The following GPC6 variants were observed in gnomAD, a reference collection of about 807,000 sequenced individuals.
GPC6 encodes the protein glypican 6, also known as glypican-6.
GPC6 carries 14 observed loss-of-function variants against 55.2 expected under a neutral mutation model. The observed-to-expected ratio is 0.25, with a 90% CI of 0.17 to 0.40. The LOEUF (loss-of-function observed/expected upper bound fraction) is 0.40. Among genes scored for constraint, GPC6 ranks in the 10% least tolerant of loss-of-function variants. The pLI is 1.00. For synonymous variants in GPC6, 278 were observed against 259.6 expected, an observed-to-expected ratio of 1.07 and a Z score of -0.68; for missense variants, 641 against 708.5, an observed-to-expected ratio of 0.90 and a Z score of 1.08.
At chr13:93,566,817 T>C (rs1266998842) in intron 2 of GPC6, among the ~76,000 whole-genome samples, 1 of 152,154 alleles carries the variant, frequency 6.6e-6, no homozygotes, top group African/African-American at 2.4e-5. Flanking sequence ...ATGTACTGTT[T>C]GGTTTTCTGT....
At chr13:93,589,419 T>A (rs539579671) in intron 2 of GPC6, among the ~76,000 whole-genome samples, 1 of 152,332 alleles carries the variant, frequency 6.6e-6, no homozygotes, top group East Asian at 1.9e-4. Flanking sequence ...ACTCTTCCCA[T>A]TAATTTTAAA....
chr13:93,464,622 C>G (rs1280137884), intron 1 of GPC6, among the ~76,000 whole-genome samples: 1 of 152,150 alleles, frequency 6.6e-6, no homozygotes, highest in Non-Finnish European at 1.5e-5. Flanking sequence ...GCTCTTTATA[C>G]CATGTCTCTG....
chr13:93,622,331 A>G (rs1878993039), intron 2 of GPC6, among the ~76,000 whole-genome samples: 1 of 152,172 alleles, frequency 6.6e-6, no homozygotes, highest in Non-Finnish European at 1.5e-5. Context: ...AGATAAGGGA[A>G]CTCAAGCTTT....
intron 1 of GPC6, among the ~76,000 whole-genome samples, chr13:93,544,352 A>C (rs1874641653): frequency 6.6e-6 from 1 of 152,150 alleles, no homozygotes; most frequent in African/African-American, 2.4e-5. Flanking sequence ...TCACAGAGTC[A>C]AGCACTTTGT....
chr13:93,635,687 A>G (rs996547866), intron 2 of GPC6, among the ~76,000 whole-genome samples: 20 of 152,184 alleles, frequency 1.3e-4, no homozygotes, highest in Non-Finnish European at 2.6e-4. Context: ...TCTGCCCAGC[A>G]TATATTTTCC....
At chr13:94,100,870 C>G (rs896327377) in intron 4 of GPC6, among the ~76,000 whole-genome samples, 7 of 152,158 alleles carry the variant, frequency 4.6e-5, no homozygotes, top group African/African-American at 1.7e-4. Flanking sequence ...AGTATTTCTA[C>G]AAGACCATTT....
intron 6 of GPC6, among the ~76,000 whole-genome samples, chr13:94,355,049 G>A (rs1260844917): frequency 6.7e-6 from 1 of 149,156 alleles, no homozygotes; most frequent in African/African-American, 2.5e-5. Flanking sequence ...TTGAGACAGA[G>A]TCTCACTCTT....
intron 2 of GPC6, among the ~76,000 whole-genome samples, chr13:93,654,372 G>T (rs537359949): frequency 8.5e-5 from 13 of 152,184 alleles, no homozygotes; most frequent in African/African-American, 2.9e-4. Flanking sequence ...CTGTTGCCCA[G>T]GCTGGAGTGC....
At chr13:93,983,191 C>A (rs565627971) in intron 3 of GPC6, among the ~76,000 whole-genome samples, 1 of 152,222 alleles carries the variant, frequency 6.6e-6, no homozygotes, top group African/African-American at 2.4e-5. Context: ...TGTGCAAGAC[C>A]TGAACCTTGA....
intron 1 of GPC6, among the ~76,000 whole-genome samples, chr13:93,450,136 A>C (rs1287171913): frequency 6.6e-6 from 1 of 152,016 alleles, no homozygotes; most frequent in Non-Finnish European, 1.5e-5. Context: ...TGTTTTATCC[A>C]CCACTGGAGT....
At chr13:94,276,510 A>T (rs73551822) in intron 4 of GPC6, among the ~76,000 whole-genome samples, 6,128 of 152,180 alleles carry the variant, frequency 0.04, 256 homozygotes, top group East Asian at 0.2. Context: ...ATACATGTAC[A>T]GAACGTGCAG....
intron 4 of GPC6, among the ~76,000 whole-genome samples, chr13:94,080,008 G>A (rs1172655732): frequency 1.3e-5 from 2 of 152,126 alleles, no homozygotes; most frequent in African/African-American, 4.8e-5. Context: ...CATAAGAAAT[G>A]CCATAAATGA....
intron 2 of GPC6, among the ~76,000 whole-genome samples, chr13:93,612,500 A>AACACACACACACACACACACACAC (rs3138575): frequency 1.9e-4 from 27 of 139,366 alleles, no homozygotes; most frequent in East Asian, 2.2e-4. Flanking sequence ...CTCCGTCTAA[A>AACACACACACACACACACACACAC]ACACACACAC....
At chr13:94,400,922 G>C (rs1317351810) in intron 8 of GPC6, among the ~76,000 whole-genome samples, 1 of 152,188 alleles carries the variant, frequency 6.6e-6, no homozygotes. Context: ...CGGAGCCTCA[G>C]TAAGTCTAAC....
chr13:94,036,040 G>A (rs2138732385), intron 4 of GPC6, among the ~76,000 whole-genome samples: 1 of 152,140 alleles, frequency 6.6e-6, no homozygotes, highest in Non-Finnish European at 1.5e-5. Context: ...AACCAGGTTA[G>A]AAGAGACGGT....
intron 3 of GPC6, among the ~76,000 whole-genome samples, chr13:93,914,874 C>T (rs1326875996): frequency 6.6e-6 from 1 of 152,194 alleles, no homozygotes; most frequent in Non-Finnish European, 1.5e-5. Context: ...TATACTGAAG[C>T]AATGTGCTAA....
At chr13:93,863,594 A>T (rs976859490) in intron 3 of GPC6, among the ~76,000 whole-genome samples, 6 of 151,662 alleles carry the variant, frequency 4.0e-5, no homozygotes, top group Non-Finnish European at 5.9e-5. Flanking sequence ...GGTAAATGAA[A>T]ATCTTCCCTT....
At chr13:94,302,114 CT>C (rs1188847128) in intron 5 of GPC6, among the ~76,000 whole-genome samples, 1 of 152,168 alleles carries the variant, frequency 6.6e-6, no homozygotes, top group African/African-American at 2.4e-5. Flanking sequence ...TTTAAAAATA[CT>C]TTTTTCAGGA....
At chr13:94,244,614 A>T (rs960789104) in intron 4 of GPC6, among the ~76,000 whole-genome samples, 1 of 152,080 alleles carries the variant, frequency 6.6e-6, no homozygotes, top group East Asian at 1.9e-4. Context: ...TTTACTTTTT[A>T]AAAAAATAGT....
Sources: allele counts gnomAD v4.1 joint callset (sites outside exome capture counted in the v4.1 genomes callset), GRCh38; gene constraint gnomAD v4.1.1; transcripts MANE v1.5; gene names NCBI Gene and HGNC (gene_info 2026-07-23, HGNC 2026-07-21).